The following MLLT3 variants were observed in gnomAD, a reference collection of about 807,000 sequenced individuals.
The protein encoded by MLLT3 is protein AF-9.
Under a neutral mutation model 53.2 loss-of-function variants are expected in MLLT3, and 4 were observed. The observed-to-expected ratio is 0.08, with a 90% CI of 0.04 to 0.17. MLLT3 has a LOEUF of 0.17. Ranked by LOEUF, MLLT3 falls within the 10% of genes least tolerant of loss-of-function variation. The pLI, the probability that MLLT3 is intolerant of heterozygous loss-of-function variation, is 1.00. For synonymous variants in MLLT3, 283 were observed against 230.6 expected (o/e 1.23, Z -2.06); for missense variants, 569 against 684.0 (o/e 0.83, Z 1.87).
intron 2 of MLLT3, among the ~76,000 whole-genome samples, chr9:20,503,363 T>G (rs550086872): frequency 6.6e-6 from 1 of 152,084 alleles, no homozygotes; most frequent in Admixed American, 6.5e-5. Flanking sequence ...ATCAATGGAA[T>G]GGAATAGAGG....
At chr9:20,597,707 T>C (rs948544279) in intron 2 of MLLT3, among the ~76,000 whole-genome samples, 1 of 152,208 alleles carries the variant, frequency 6.6e-6, no homozygotes, top group African/African-American at 2.4e-5. Flanking sequence ...CTTTGTTTTT[T>C]CTTTCTGTGA....
intron 2 of MLLT3, among the ~76,000 whole-genome samples, chr9:20,506,375 C>T (rs1825381771): frequency 6.6e-6 from 1 of 152,148 alleles, no homozygotes; most frequent in South Asian, 2.1e-4. Context: ...GATGAGCTTC[C>T]TGGGACCACT....
At chr9:20,382,214 C>T (rs1009699026) in intron 5 of MLLT3, among the ~76,000 whole-genome samples, 1 of 151,762 alleles carries the variant, frequency 6.6e-6, no homozygotes, top group Admixed American at 6.6e-5. Context: ...ACATCAAAAC[C>T]TCCTGTGGCT....
chr9:20,517,446 ACT>A (rs1200251213), intron 2 of MLLT3, among the ~76,000 whole-genome samples: 4 of 150,590 alleles, frequency 2.7e-5, no homozygotes, highest in Admixed American at 6.7e-5. Flanking sequence ...ACAGAGTGAG[ACT>A]CTGTCTCAAA....
At chr9:20,599,976 G>T (rs1820376042) in intron 2 of MLLT3, among the ~76,000 whole-genome samples, 3 of 151,944 alleles carry the variant, frequency 2.0e-5, no homozygotes, top group Admixed American at 1.3e-4. Context: ...AACCCAGTGA[G>T]TTCAGAAATT....
chr9:20,606,381 CAG>C (rs1259771815), intron 2 of MLLT3, among the ~76,000 whole-genome samples: 5 of 152,024 alleles, frequency 3.3e-5, no homozygotes, highest in Admixed American at 3.3e-4. Flanking sequence ...CAGAAAAAAA[CAG>C]TAATTTCTAA....
intron 5 of MLLT3, among the ~76,000 whole-genome samples, chr9:20,372,598 C>T (rs965976876): frequency 3.6e-5 from 4 of 109,660 alleles, no homozygotes; most frequent in Admixed American, 1.2e-4. Flanking sequence ...TTAGTAGAGA[C>T]GGGGTTTCAC....
chr9:20,589,990 G>A (rs192980181), intron 2 of MLLT3, among the ~76,000 whole-genome samples: 84 of 152,130 alleles, frequency 5.5e-4, no homozygotes, highest in African/African-American at 1.3e-3. Context: ...ATTACAGCCC[G>A]ACCTAACTGG....
At chr9:20,347,425 A>G (rs541325284) in intron 10 of MLLT3, among the ~76,000 whole-genome samples, 30 of 152,324 alleles carry the variant, frequency 2.0e-4, no homozygotes, top group African/African-American at 7.0e-4. Context: ...TGGAATAGTT[A>G]TACCTCATTT....
chr9:20,465,472 T>C (rs143859773), intron 2 of MLLT3, among the ~76,000 whole-genome samples: 235 of 145,168 alleles, frequency 1.6e-3, no homozygotes, highest in African/African-American at 5.7e-3. Context: ...GACAACAAAA[T>C]TGTGTTACAC....
At chr9:20,462,001 G>C (rs1824120976) in intron 2 of MLLT3, among the ~76,000 whole-genome samples, 1 of 152,054 alleles carries the variant, frequency 6.6e-6, no homozygotes, top group Non-Finnish European at 1.5e-5. Context: ...TACCACATCA[G>C]AGCCTCCAGG....
intron 5 of MLLT3, among the ~76,000 whole-genome samples, chr9:20,387,092 A>C (rs1384424613): frequency 6.6e-6 from 1 of 152,258 alleles, no homozygotes; most frequent in Admixed American, 6.5e-5. Context: ...GATCCTCTAT[A>C]GCAAGAGTTG....
intron 2 of MLLT3, among the ~76,000 whole-genome samples, chr9:20,526,194 T>C (rs190659509): frequency 6.6e-6 from 1 of 152,286 alleles, no homozygotes. Context: ...AGTAAGCTTA[T>C]CAAAGACTAG....
chr9:20,461,794 T>C (rs1029175481), intron 2 of MLLT3, among the ~76,000 whole-genome samples: 1 of 152,180 alleles, frequency 6.6e-6, no homozygotes, highest in Non-Finnish European at 1.5e-5. Context: ...TATGGCCATC[T>C]GAATACTTTT....
intron 2 of MLLT3, among the ~76,000 whole-genome samples, chr9:20,547,382 G>A (rs1818814665): frequency 2.0e-5 from 3 of 152,044 alleles, no homozygotes; most frequent in Non-Finnish European, 2.9e-5. Context: ...GGTGGCTCAC[G>A]CCTGTAATCC....
intron 5 of MLLT3, among the ~76,000 whole-genome samples, chr9:20,382,046 AG>A (rs1319652663): frequency 6.6e-6 from 1 of 151,886 alleles, no homozygotes; most frequent in African/African-American, 2.4e-5. Context: ...TCAGAGGAGA[AG>A]GGTATCTTTT....
intron 5 of MLLT3, among the ~76,000 whole-genome samples, chr9:20,395,247 T>A (rs573300039): frequency 6.6e-6 from 1 of 152,198 alleles, no homozygotes; most frequent in South Asian, 2.1e-4. Flanking sequence ...GTATTTCAAA[T>A]GGGTAACAAC....
intron 5 of MLLT3, among the ~76,000 whole-genome samples, chr9:20,412,745 CTAA>C (rs1424931520): frequency 2.0e-5 from 3 of 152,076 alleles, no homozygotes; most frequent in African/African-American, 7.2e-5. Context: ...CTGATCATTA[CTAA>C]TAAGTAACTG....
Position 20,346,395 on chromosome 9 carries a change from C to CGA in MLLT3, c.*47_*48insTC. On this transcript the variant is annotated 3_prime_UTR_variant, in exon 11 of 11. Transcript: ENST00000380338. ...AATCACAACCAAAAAAAAAAAAAAC[C>CGA]AAAAAAAAAAAACACAATAGTTCTT... 2 of 1,001,574 alleles carry CGA rather than the reference C, an allele frequency of 2.0e-6. No individual in the cohort carries two copies. The highest frequency in any genetic ancestry group is 2.6e-6 in the Non-Finnish European group (2 of 764,780). The allele number at this position is 1,001,574 out of a possible 1,614,324, so 62.0% of individuals were successfully genotyped here. A position where few individuals can be genotyped will look rare whatever the true frequency, so the allele number is the denominator to read the frequency against.
Sources: allele counts gnomAD v4.1 joint callset (sites outside exome capture counted in the v4.1 genomes callset), GRCh38; gene constraint gnomAD v4.1.1; transcripts MANE v1.5; gene names NCBI Gene and HGNC (gene_info 2026-07-23, HGNC 2026-07-21).